Variants in PRKCE observed in about 807,000 individuals in gnomAD.
PRKCE encodes the protein protein kinase C epsilon type.
PRKCE carries 16 observed loss-of-function variants against 85.4 expected under a neutral mutation model. The observed-to-expected ratio is 0.19, with a 90% CI of 0.13 to 0.28. The LOEUF is 0.28. Ranked by LOEUF, PRKCE falls within the 10% of genes least tolerant of loss-of-function variation. PRKCE has a pLI of 1.00. For missense variants in PRKCE, 573 were observed against 975.2 expected (o/e 0.59, Z 5.49); for synonymous variants, 388 against 371.5 (o/e 1.04, Z -0.51).
At chr2:45,866,466 C>T (rs1693621976) in intron 2 of PRKCE, among the ~76,000 whole-genome samples, 1 of 152,130 alleles carries the variant, frequency 6.6e-6, no homozygotes, top group Non-Finnish European at 1.5e-5. Flanking sequence ...GGCCACCATG[C>T]CTGGCTAATT....
chr2:45,656,918 A>G (rs1489200516), intron 1 of PRKCE, among the ~76,000 whole-genome samples: 3 of 152,250 alleles, frequency 2.0e-5, no homozygotes, highest in Non-Finnish European at 2.9e-5. Context: ...ATTTAGAATA[A>G]TAATTGTGTG....
At chr2:45,891,978 T>C (rs907379551) in intron 2 of PRKCE, among the ~76,000 whole-genome samples, 2 of 152,184 alleles carry the variant, frequency 1.3e-5, no homozygotes, top group African/African-American at 4.8e-5. Context: ...ACACGGTGGC[T>C]CAAATCTAAT....
At chr2:45,875,464 G>T (rs112218763) in intron 2 of PRKCE, among the ~76,000 whole-genome samples, 1 of 152,220 alleles carries the variant, frequency 6.6e-6, no homozygotes, top group Non-Finnish European at 1.5e-5. Flanking sequence ...GCTCTGGAGG[G>T]ACCAGGAACA....
intron 1 of PRKCE, among the ~76,000 whole-genome samples, chr2:45,839,561 G>A (rs530121099): frequency 6.6e-6 from 1 of 152,344 alleles, no homozygotes; most frequent in South Asian, 2.1e-4. Flanking sequence ...AGGAGGTAGC[G>A]AGTCTGCTTT....
intron 1 of PRKCE, among the ~76,000 whole-genome samples, chr2:45,708,680 G>A (rs1489252820): frequency 3.3e-5 from 5 of 152,148 alleles, no homozygotes; most frequent in South Asian, 4.2e-4. Flanking sequence ...GTGTGAAAAC[G>A]GACTAATACA....
At position 46,146,773 on chromosome 2, in the gene PRKCE, T is replaced by G. The variant is rs17800455; in HGVS notation, c.1731+1542T>G. The stretch of plus-strand genomic sequence containing the variant: ...GTTAAAAAATGACAACTTATGACAT[T>G]CCAACATGAGCAAAGGCCAAGGGAC... On this transcript the variant is annotated intron_variant, in intron 12 of 14. Transcript: ENST00000306156. 8.8e-3 allele frequency among the ~76,000 whole-genome samples: 1,342 copies of G among 152,320 alleles called. 11 individuals are homozygous for G. Among genetic ancestry groups the G allele is most frequent in the Non-Finnish European group, 0.011 (726 of 68,032 alleles).
chr2:46,096,725 T>C (rs189372786), intron 11 of PRKCE, among the ~76,000 whole-genome samples: 320 of 152,286 alleles, frequency 2.1e-3, no homozygotes, highest in Non-Finnish European at 2.7e-3. Context: ...AATCTGTAGT[T>C]TTTTGTTATG....
chr2:45,984,782 G>A (rs1310989020), intron 6 of PRKCE, 102 bp downstream of exon 6: 15 of 1,490,912 alleles, frequency 1.0e-5, no homozygotes, highest in Non-Finnish European at 1.3e-5. Flanking sequence ...TTCCAGATTT[G>A]GCCAAGAACT....
rs375749265 is a variant in PRKCE at position 45,924,198 on chromosome 2, G to A, written c.413-52231G>A. On this transcript the variant is annotated intron_variant, in intron 2 of 14. Transcript: ENST00000306156. ...GAATGAGCAATGGAATTGGCTGTTC[G>A]TTCCTGTCCTGGCCATTTAGTTGCT... Among the ~76,000 whole-genome samples the A allele has an allele frequency of 3.3e-5, 5 of 152,168 alleles. No homozygotes were observed. In the East Asian group the frequency reaches 5.8e-4, roughly 18 times the overall value.
At chr2:46,064,990 G>A (rs1392116909) in intron 10 of PRKCE, among the ~76,000 whole-genome samples, 1 of 152,158 alleles carries the variant, frequency 6.6e-6, no homozygotes, top group Non-Finnish European at 1.5e-5. Context: ...AATTTTTCAT[G>A]TTCTAGCTTG....
At chr2:45,873,309 G>A (rs1011411619) in intron 2 of PRKCE, among the ~76,000 whole-genome samples, 1 of 152,106 alleles carries the variant, frequency 6.6e-6, no homozygotes, top group Non-Finnish European at 1.5e-5. Context: ...CCTAATTGCC[G>A]CAACATCCTA....
chr2:45,907,117 A>T lies in PRKCE; in HGVS notation c.412+64054A>T, dbSNP rs1697040075. Among the ~76,000 whole-genome samples, 1 of 152,192 alleles carries T rather than the reference A, an allele frequency of 6.6e-6. No individual in the cohort carries two copies. ...GGTCAGAGGGTACACGCTCCATGTT[A>T]AATTTCTGAGGAGCAAAGGTAAAAT... On this transcript the variant is annotated intron_variant, in intron 2 of 14. Transcript: ENST00000306156. The surrounding 1 kb of genome is among the most constrained non-coding windows in gnomAD (Gnocchi z 4.5).
intron 2 of PRKCE, among the ~76,000 whole-genome samples, chr2:45,871,703 G>A (rs76080366): frequency 0.011 from 1,600 of 152,298 alleles, 25 homozygotes; most frequent in African/African-American, 0.036. Context: ...AGGGTGCAAA[G>A]CAGCAGCTTT....
At chr2:45,785,616 T>C (rs758613830) in intron 1 of PRKCE, among the ~76,000 whole-genome samples, 33 of 152,186 alleles carry the variant, frequency 2.2e-4, no homozygotes, top group Non-Finnish European at 4.4e-5. Context: ...CAGGTGTCCC[T>C]GTGGGATGGA....
chr2:46,058,823 G>A (rs1447228874), intron 10 of PRKCE, among the ~76,000 whole-genome samples: 5 of 152,268 alleles, frequency 3.3e-5, no homozygotes, highest in Admixed American at 3.3e-4. Flanking sequence ...AGCTTCCTAA[G>A]GAACTGGGAC....
At chr2:45,903,364 T>C in intron 2 of PRKCE, among the ~76,000 whole-genome samples, 1 of 152,220 alleles carries the variant, frequency 6.6e-6, no homozygotes, top group Middle Eastern at 3.2e-3. Flanking sequence ...GAGCATCCCC[T>C]TTTCTTCACT....
At chr2:46,065,491 C>T (rs1377160980) in intron 10 of PRKCE, among the ~76,000 whole-genome samples, 3 of 152,162 alleles carry the variant, frequency 2.0e-5, no homozygotes, top group Admixed American at 6.5e-5. Context: ...AAGAACACAA[C>T]AATTTTGGTA....
chr2:45,871,372 T>C (rs1163979410), intron 2 of PRKCE, among the ~76,000 whole-genome samples: 1 of 152,168 alleles, frequency 6.6e-6, no homozygotes, highest in Non-Finnish European at 1.5e-5. Context: ...ATGAATAAAA[T>C]GCTTTACCTG....
chr2:45,913,625 G>A (rs1476265290), intron 2 of PRKCE, among the ~76,000 whole-genome samples: 2 of 152,206 alleles, frequency 1.3e-5, no homozygotes, highest in Non-Finnish European at 2.9e-5. Flanking sequence ...AGTTTTTGGG[G>A]CTTCTGGCTG....
Sources: gnomAD v4.1 joint callset for allele counts (sites outside exome capture counted in the v4.1 genomes callset) on GRCh38, gnomAD v4.1.1 for gene constraint, Gnocchi (gnomAD v3.1) non-coding constraint, MANE v1.5 for transcripts, NCBI Gene and HGNC (gene_info 2026-07-23, HGNC 2026-07-21) for gene names.